Variants in STK3 observed in about 807,000 individuals in gnomAD.
The protein encoded by STK3 is serine/threonine kinase 3, also known as serine/threonine-protein kinase 3.
A neutral mutation model predicts 58.0 loss-of-function variants in STK3; 41 were observed. That is an observed-to-expected ratio of 0.71 (90% CI 0.55 to 0.92). The LOEUF (loss-of-function observed/expected upper bound fraction) is 0.92, where lower values mean the gene tolerates loss of function less well. Among genes scored for constraint, STK3 ranks in the 40% least tolerant of loss-of-function variants. The pLI, the probability that STK3 is intolerant of heterozygous loss-of-function variation, is 0.00. For synonymous variants in STK3, 170 were observed against 191.0 expected, an observed-to-expected ratio of 0.89 and a Z score of 0.91; for missense variants, 479 against 602.7, an observed-to-expected ratio of 0.79 and a Z score of 2.15.
At chr8:98,674,658 T>C (rs959324537) in intron 6 of STK3, among the ~76,000 whole-genome samples, 1 of 152,180 alleles carries the variant, frequency 6.6e-6, no homozygotes, top group Non-Finnish European at 1.5e-5. Flanking sequence ...AGGTCAAGTC[T>C]AAAAACCCTT....
chr8:98,701,957 T>C (rs1479672471), intron 6 of STK3, among the ~76,000 whole-genome samples: 3 of 152,206 alleles, frequency 2.0e-5, no homozygotes, highest in Non-Finnish European at 2.9e-5. Context: ...TAGCTGAATA[T>C]AAATTTATAA....
At position 98,690,473 on chromosome 8, in the gene STK3, G is replaced by A. The variant is rs117171765; in HGVS notation, c.684+15994C>T. On this transcript the variant is annotated intron_variant, in intron 6 of 10. Coordinates refer to ENST00000419617, the MANE Select transcript of STK3 (RefSeq NM_006281.4). ...CCAAAAAAAAAAAAAAAACAACCTAGGAATACACCTAACCAAGGAGGTGAA... is the reference window on the plus strand; with the variant it reads ...CCAAAAAAAAAAAAAAAACAACCTAAGAATACACCTAACCAAGGAGGTGAA... Among the ~76,000 whole-genome samples the A allele has an allele frequency of 5.7e-4, 83 of 146,218 alleles. 1 individual carries two copies. In the East Asian group the frequency reaches 0.016, roughly 27 times the overall value.
intron 1 of STK3, among the ~76,000 whole-genome samples, chr8:98,825,187 T>A (rs1835168282): frequency 6.6e-6 from 1 of 152,198 alleles, no homozygotes; most frequent in Admixed American, 6.5e-5. Flanking sequence ...GAGCAGCACA[T>A]CCACAATGTT....
intron 8 of STK3, among the ~76,000 whole-genome samples, chr8:98,565,897 T>G (rs964829131): frequency 1.3e-5 from 2 of 152,168 alleles, no homozygotes; most frequent in Admixed American, 1.3e-4. Context: ...TGTAATACAG[T>G]TGACCCATCT....
chr8:98,519,879 GT>G (rs1825222607), intron 10 of STK3, among the ~76,000 whole-genome samples: 4 of 152,058 alleles, frequency 2.6e-5, no homozygotes, highest in Admixed American at 2.6e-4. Flanking sequence ...ACCAAAAATG[GT>G]TGATTTACCT....
chr8:98,691,227 C>T (rs1352062233), intron 6 of STK3, among the ~76,000 whole-genome samples: 1 of 152,070 alleles, frequency 6.6e-6, no homozygotes, highest in Non-Finnish European at 1.5e-5. Context: ...TTAAATAATA[C>T]AAACTGTGAA....
chr8:98,905,559 C>A, intron 1 of STK3: 1 of 1,075,168 alleles, frequency 9.3e-7, no homozygotes, highest in Admixed American at 1.7e-5. Flanking sequence ...GTGTACAAAG[C>A]CGTAGTTCTT....
chr8:98,351,087 T>C, the STK3 span, among the ~76,000 whole-genome samples: 1 of 152,196 alleles, frequency 6.6e-6, no homozygotes, highest in Non-Finnish European at 1.5e-5. Flanking sequence ...CCCAAAACTG[T>C]ATATTCAGCA....
At chr8:98,550,102 T>C (rs1811042666) in intron 8 of STK3, among the ~76,000 whole-genome samples, 1 of 150,924 alleles carries the variant, frequency 6.6e-6, no homozygotes, top group Admixed American at 6.6e-5. Flanking sequence ...TAGAAACATA[T>C]AAGCAAAATC....
intron 10 of STK3, among the ~76,000 whole-genome samples, chr8:98,502,900 GGAT>G (rs1823732238): frequency 6.6e-6 from 1 of 152,286 alleles, no homozygotes; most frequent in Admixed American, 6.5e-5. Flanking sequence ...TTTGGTATCA[GGAT>G]GATGCTGGCC....
At chr8:98,537,535 G>A (rs1462192167) in intron 9 of STK3, among the ~76,000 whole-genome samples, 1 of 152,074 alleles carries the variant, frequency 6.6e-6, no homozygotes, top group African/African-American at 2.4e-5. Flanking sequence ...AATAAAGCAG[G>A]AAATCTCAAG....
chr8:98,563,667 G>C (rs1459206327), intron 8 of STK3, among the ~76,000 whole-genome samples: 1 of 152,070 alleles, frequency 6.6e-6, no homozygotes, highest in African/African-American at 2.4e-5. Flanking sequence ...CAGAGAGTAA[G>C]GAAGAGCTAA....
chr8:98,939,861 G>C (rs538555684), intron 1 of STK3, among the ~76,000 whole-genome samples: 1 of 152,248 alleles, frequency 6.6e-6, no homozygotes, highest in African/African-American at 2.4e-5. Flanking sequence ...TCCCAGAGGG[G>C]CCCGGTGCGG....
intron 7 of STK3, among the ~76,000 whole-genome samples, chr8:98,585,653 G>A (rs1814476670): frequency 6.6e-6 from 1 of 151,188 alleles, no homozygotes; most frequent in Non-Finnish European, 1.5e-5. Context: ...GTAGCTTGAT[G>A]GGGATGGCAT....
At chr8:98,925,307 T>C (rs1839745983) in intron 1 of STK3, among the ~76,000 whole-genome samples, 1 of 152,216 alleles carries the variant, frequency 6.6e-6, no homozygotes, top group South Asian at 2.1e-4. Flanking sequence ...AAGTAAAAAC[T>C]GCAAAATAAG....
At chr8:98,697,891 C>G (rs1170534808) in intron 6 of STK3, among the ~76,000 whole-genome samples, 4 of 152,074 alleles carry the variant, frequency 2.6e-5, no homozygotes, top group Admixed American at 6.5e-5. Context: ...GCTTGGTGCA[C>G]AGCTGAGTTC....
At chr8:98,638,333 A>T (rs1446318658) in intron 6 of STK3, 1 of 152,212 alleles carries the variant, frequency 6.6e-6, no homozygotes, top group African/African-American at 2.4e-5. Flanking sequence ...TAATTTTTTT[A>T]AACTTGCCTA....
intron 6 of STK3, among the ~76,000 whole-genome samples, chr8:98,612,527 G>C (rs1178128761): frequency 6.6e-6 from 1 of 151,020 alleles, no homozygotes; most frequent in Non-Finnish European, 1.5e-5. Flanking sequence ...AGAACAGCTA[G>C]GGATCTTGGA....
chr8:98,618,359 AC>A (rs1415204511), intron 6 of STK3, among the ~76,000 whole-genome samples: 1 of 151,488 alleles, frequency 6.6e-6, no homozygotes, highest in African/African-American at 2.4e-5. Flanking sequence ...CCAATATCAT[AC>A]TGAATGGGCA....
Sources: allele counts gnomAD v4.1 joint callset (sites outside exome capture counted in the v4.1 genomes callset), GRCh38; gene constraint gnomAD v4.1.1; transcripts MANE v1.5; gene names NCBI Gene and HGNC (gene_info 2026-07-23, HGNC 2026-07-21).